KSR2: variants seen among roughly 807,000 people sequenced by gnomAD.
KSR2 encodes kinase suppressor of ras 2.
A neutral mutation model predicts 107.8 loss-of-function variants in KSR2; 25 were observed. The ratio of observed to expected loss-of-function variants is 0.23; its 90% CI spans 0.17 to 0.32. The LOEUF (loss-of-function observed/expected upper bound fraction) is 0.32. Ranked by LOEUF, KSR2 falls within the 10% of genes least tolerant of loss-of-function variation. The pLI is 1.00. For synonymous variants in KSR2, 480 were observed against 507.0 expected, an observed-to-expected ratio of 0.95 and a Z score of 0.71; for missense variants, 887 against 1,268.9, an observed-to-expected ratio of 0.70 and a Z score of 4.57.
intron 5 of KSR2, among the ~76,000 whole-genome samples, chr12:117,657,142 T>C (rs1190590468): frequency 1.4e-4 from 22 of 151,866 alleles, no homozygotes; most frequent in Admixed American, 1.4e-3. Context: ...CTGGCTCTGC[T>C]GATTGGTTCA....
intron 4 of KSR2, among the ~76,000 whole-genome samples, chr12:117,759,172 C>T (rs996098558): frequency 2.0e-5 from 3 of 152,234 alleles, no homozygotes; most frequent in African/African-American, 4.8e-5. Flanking sequence ...CACTGTAGGG[C>T]ATTCCCAATG....
chr12:117,689,526 C>A (rs910669228), intron 4 of KSR2, among the ~76,000 whole-genome samples: 7 of 152,184 alleles, frequency 4.6e-5, no homozygotes, highest in Non-Finnish European at 1.0e-4. Context: ...ATTATATAAA[C>A]AAATGGGTGT....
chr12:117,730,418 ATCCCTC>A (rs755681186), intron 4 of KSR2, among the ~76,000 whole-genome samples: 240 of 151,402 alleles, frequency 1.6e-3, no homozygotes, highest in Middle Eastern at 3.4e-3. Context: ...TAAAAGTGAA[ATCCCTC>A]TCCCTCTCCC....
chr12:117,778,084 G>A (rs1367460272), intron 3 of KSR2, among the ~76,000 whole-genome samples: 1 of 152,094 alleles, frequency 6.6e-6, no homozygotes, highest in Non-Finnish European at 1.5e-5. Flanking sequence ...CAAATTATAT[G>A]TTGCTTTAAT....
chr12:117,959,709 T>A (rs1217869494), intron 1 of KSR2, among the ~76,000 whole-genome samples: 1 of 152,148 alleles, frequency 6.6e-6, no homozygotes, highest in African/African-American at 2.4e-5. Flanking sequence ...GGCATGAGCA[T>A]CACTTGAGCC....
At position 117,930,065 on chromosome 12, in the gene KSR2, G is replaced by A. The variant is rs141106931; in HGVS notation, c.180+38011C>T. Reference sequence around the variant, plus strand: ...TTTAAAAAAAATTTTTTTTTTTTGAGACAGAGTCTCACTCTATCACCCAGG... The same window carrying A: ...TTTAAAAAAAATTTTTTTTTTTTGAAACAGAGTCTCACTCTATCACCCAGG... On this transcript the variant is annotated intron_variant, in intron 1 of 19. Transcript: ENST00000339824. 6.5e-3 allele frequency among the ~76,000 whole-genome samples: 984 copies of A among 150,760 alleles called. 14 individuals are homozygous for A. The highest frequency in any genetic ancestry group is 0.022 in the African/African-American group (908 of 41,002).
chr12:117,793,020 T>C (rs1164531277), intron 3 of KSR2, among the ~76,000 whole-genome samples: 1 of 119,962 alleles, frequency 8.3e-6, no homozygotes, highest in Non-Finnish European at 1.6e-5. Context: ...CAGTACGCAC[T>C]CTCACATCAA....
At chr12:117,551,832 T>C (rs1262499736) in intron 9 of KSR2, among the ~76,000 whole-genome samples, 2 of 152,178 alleles carry the variant, frequency 1.3e-5, no homozygotes, top group Non-Finnish European at 1.5e-5. Context: ...TAGAGGTTAA[T>C]TTATTTCCCT....
chr12:117,942,669 T>G (rs181019590), intron 1 of KSR2, among the ~76,000 whole-genome samples: 169 of 103,398 alleles, frequency 1.6e-3, no homozygotes, highest in Non-Finnish European at 2.3e-3. Context: ...TTTTTTGTGT[T>G]TTTTTTTTTT....
chr12:117,852,776 C>T (rs1231655942), intron 3 of KSR2, among the ~76,000 whole-genome samples: 1 of 152,104 alleles, frequency 6.6e-6, no homozygotes, highest in Non-Finnish European at 1.5e-5. Flanking sequence ...ACAATGTTCA[C>T]CATAATTTTT....
chr12:117,803,861 G>A (rs7299147), intron 3 of KSR2, among the ~76,000 whole-genome samples: 1 of 152,138 alleles, frequency 6.6e-6, no homozygotes, highest in African/African-American at 2.4e-5. Flanking sequence ...CTGGGGCTCA[G>A]AGAGGTTAAG....
intron 4 of KSR2, among the ~76,000 whole-genome samples, chr12:117,748,270 T>C (rs752643099): frequency 6.6e-6 from 1 of 152,084 alleles, no homozygotes; most frequent in Non-Finnish European, 1.5e-5. Flanking sequence ...AATAGAATGG[T>C]GGTTACCAGG....
rs181520478 is a variant in KSR2, at chr12:117,469,531, G to C, written c.2846+131C>G. On this transcript the variant is annotated intron_variant, in intron 19 of 19. Transcript: ENST00000339824. The stretch of plus-strand genomic sequence containing the variant: ...GAACAGAAACCTAGTAGGGAAGAGT[G>C]GTTGCCGAAGGGTGGGCACATGGAT... The C allele has an allele frequency of 3.9e-6, 4 of 1,028,742 alleles. No individual in the cohort carries two copies. In the East Asian group the frequency reaches 1.0e-4, roughly 27 times the overall value. 63.7% of individuals were successfully genotyped at this position (1,028,742 alleles called of 1,614,324 possible).
chr12:117,809,439 C>A (rs1891120926), intron 3 of KSR2, among the ~76,000 whole-genome samples: 1 of 152,192 alleles, frequency 6.6e-6, no homozygotes, highest in Non-Finnish European at 1.5e-5. Context: ...AACCTACCTC[C>A]TGAGACTGCC....
chr12:117,514,917 C>G (rs989522167), intron 14 of KSR2, among the ~76,000 whole-genome samples: 1 of 152,190 alleles, frequency 6.6e-6, no homozygotes, highest in Non-Finnish European at 1.5e-5. Flanking sequence ...TGCCCCTCCC[C>G]TGGCCTTGCT....
intron 4 of KSR2, 55 bp from the exon 5 acceptor site, chr12:117,667,713 T>G: frequency 1.4e-6 from 2 of 1,428,904 alleles, no homozygotes; most frequent in Non-Finnish European, 1.9e-6. Flanking sequence ...GTGCACAAAG[T>G]TACAGCAGGG....
intron 5 of KSR2, among the ~76,000 whole-genome samples, chr12:117,593,383 G>A (rs2136273635): frequency 6.6e-6 from 1 of 152,350 alleles, no homozygotes; most frequent in African/African-American, 2.4e-5. Context: ...AGCTTGATAG[G>A]TGCAGGGCAG....
chr12:117,571,501 G>T (rs1353954980), intron 7 of KSR2, among the ~76,000 whole-genome samples: 2 of 152,160 alleles, frequency 1.3e-5, no homozygotes, highest in Admixed American at 6.5e-5. Flanking sequence ...TTAGTCTCAG[G>T]TACCTGGGTG....
Position 117,881,176 on chromosome 12 carries a change from G to A in KSR2, c.181-20745C>T, listed in dbSNP as rs116714250. Among the ~76,000 whole-genome samples, 545 of 152,240 alleles carry A rather than the reference G, an allele frequency of 3.6e-3. 2 individuals carry two copies. The highest frequency in any genetic ancestry group is 0.012 in the African/African-American group (490 of 41,538). On this transcript the variant is annotated intron_variant, in intron 1 of 19. Coordinates refer to ENST00000339824, the MANE Select transcript of KSR2 (RefSeq NM_173598.6). ...CTATGGAATGGATTCATGAATCAAT[G>A]AATGAATGAATGATGTGCAAGAATG...
Sources: allele counts gnomAD v4.1 joint callset (sites outside exome capture counted in the v4.1 genomes callset), GRCh38; gene constraint gnomAD v4.1.1; transcripts MANE v1.5; gene names NCBI Gene and HGNC (gene_info 2026-07-23, HGNC 2026-07-21).